The following ADAMTS17 variants were observed in gnomAD, a reference collection of about 807,000 sequenced individuals.
ADAMTS17 encodes A disintegrin and metalloproteinase with thrombospondin motifs 17.
A neutral mutation model predicts 141.5 loss-of-function variants in ADAMTS17; 113 were observed. The ratio of observed to expected loss-of-function variants is 0.80; its 90% confidence interval spans 0.69 to 0.93. ADAMTS17 has a LOEUF of 0.93. ADAMTS17 is among the 40% of genes least tolerant of loss of function. The probability of loss-of-function intolerance (pLI) is 0.00; values close to 1 mark genes in which losing one functional copy is unlikely to be tolerated. For synonymous variants in ADAMTS17, 768 were observed against 630.6 expected, an observed-to-expected ratio of 1.22 and a Z score of -3.27; for missense variants, 1,659 against 1,517.9, an observed-to-expected ratio of 1.09 and a Z score of -1.54.
At chr15:100,181,771 T>C (rs558700518) in intron 8 of ADAMTS17, among the ~76,000 whole-genome samples, 1 of 152,362 alleles carries the variant, frequency 6.6e-6, no homozygotes, top group Admixed American at 6.5e-5. Context: ...GCAAGCAGCA[T>C]AGCCTGGGGT....
At chr15:100,027,061 G>A (rs1257548719) in intron 18 of ADAMTS17, among the ~76,000 whole-genome samples, 1 of 152,182 alleles carries the variant, frequency 6.6e-6, no homozygotes, top group Non-Finnish European at 1.5e-5. Context: ...AAGGCATTAT[G>A]GGCAGGGAGA....
intron 3 of ADAMTS17, among the ~76,000 whole-genome samples, chr15:100,311,320 G>C (rs2045397409): frequency 6.6e-6 from 1 of 152,210 alleles, no homozygotes; most frequent in African/African-American, 2.4e-5. Context: ...CACCAAGCCA[G>C]CACCGAGGCC....
At chr15:100,217,702 A>G (rs1043731557) in intron 7 of ADAMTS17, among the ~76,000 whole-genome samples, 1 of 152,232 alleles carries the variant, frequency 6.6e-6, no homozygotes, top group Non-Finnish European at 1.5e-5. Flanking sequence ...GACTACATCA[A>G]AGTTGAAATT....
At chr15:100,210,772 C>T (rs1317354294) in intron 7 of ADAMTS17, among the ~76,000 whole-genome samples, 1 of 151,084 alleles carries the variant, frequency 6.6e-6, no homozygotes, top group Non-Finnish European at 1.5e-5. Flanking sequence ...TTGAGGCCAG[C>T]CCAGCCAGCA....
At chr15:100,088,274 A>G (rs2035234413) in intron 15 of ADAMTS17, among the ~76,000 whole-genome samples, 1 of 152,212 alleles carries the variant, frequency 6.6e-6, no homozygotes, top group South Asian at 2.1e-4. Flanking sequence ...TAGGAATCCA[A>G]TTTACAAGGG....
chr15:100,117,096 G>A (rs1200745573), intron 12 of ADAMTS17, 83 bp from the exon 13 acceptor site: 11 of 1,501,546 alleles, frequency 7.3e-6, no homozygotes, highest in Admixed American at 3.9e-5. Flanking sequence ...TTGCCAGGGG[G>A]AGGAGAGGAA....
chr15:100,068,401 G>A (rs1359709652), intron 15 of ADAMTS17, among the ~76,000 whole-genome samples: 1 of 152,242 alleles, frequency 6.6e-6, no homozygotes, highest in South Asian at 2.1e-4. Context: ...CTTGAAGAGA[G>A]TAGTGGTTCT....
chr15:100,069,155 G>T (rs1052519851), intron 15 of ADAMTS17, among the ~76,000 whole-genome samples: 2 of 152,176 alleles, frequency 1.3e-5, no homozygotes, highest in Admixed American at 1.3e-4. Context: ...AATGGAAGAT[G>T]AAATGAATAA....
intron 7 of ADAMTS17, among the ~76,000 whole-genome samples, chr15:100,232,203 G>C (rs537858492): frequency 6.6e-6 from 1 of 152,248 alleles, no homozygotes; most frequent in Non-Finnish European, 1.5e-5. Flanking sequence ...TCAGAATGGA[G>C]AACTTTCCTC....
intron 10 of ADAMTS17, among the ~76,000 whole-genome samples, chr15:100,149,075 T>C (rs972673645): frequency 2.6e-5 from 4 of 152,268 alleles, no homozygotes; most frequent in African/African-American, 4.8e-5. Context: ...CAGGGAAGAA[T>C]TGAGGGATAA....
chr15:100,205,806 G>A (rs1480950), intron 7 of ADAMTS17, among the ~76,000 whole-genome samples: 146,063 of 152,316 alleles, frequency 0.96, 70,322 homozygotes, highest in East Asian at 1. Context: ...TTTCAGCAAA[G>A]AGACAAAGGC....
At chr15:100,166,392 A>G (rs577594081) in intron 8 of ADAMTS17, among the ~76,000 whole-genome samples, 1 of 152,262 alleles carries the variant, frequency 6.6e-6, no homozygotes, top group African/African-American at 2.4e-5. Context: ...TTCTTGCCTT[A>G]TGAAATTGAA....
At chr15:100,066,693 T>A (rs1338236746) in intron 15 of ADAMTS17, among the ~76,000 whole-genome samples, 1 of 152,236 alleles carries the variant, frequency 6.6e-6, no homozygotes, top group African/African-American at 2.4e-5. Flanking sequence ...TCCCTTATGA[T>A]ACAGAGAAGG....
intron 18 of ADAMTS17, among the ~76,000 whole-genome samples, chr15:100,008,099 G>A (rs576418903): frequency 6.6e-6 from 1 of 152,142 alleles, no homozygotes; most frequent in Non-Finnish European, 1.5e-5. Flanking sequence ...GGGAAGCAGG[G>A]ATGGATGGGT....
intron 12 of ADAMTS17, 73 bp downstream of exon 12, chr15:100,131,934 G>T (rs180921809): frequency 2.7e-5 from 43 of 1,605,920 alleles, no homozygotes; most frequent in Non-Finnish European, 3.7e-5. Context: ...CCTGCTTTGT[G>T]TGAGGCAGCG....
chr15:100,126,376 G>C (rs75071126), intron 12 of ADAMTS17: 115 of 152,372 alleles, frequency 7.5e-4, no homozygotes, highest in African/African-American at 2.5e-3. Context: ...AAAGATCGAA[G>C]AGACTACCAA....
At chr15:100,298,042 G>A (rs754778894) in intron 3 of ADAMTS17, among the ~76,000 whole-genome samples, 8 of 152,024 alleles carry the variant, frequency 5.3e-5, no homozygotes, top group Non-Finnish European at 1.2e-4. Flanking sequence ...TGTGGGGGTG[G>A]GGGGTCTCAG....
rs376379961 is a variant in ADAMTS17 at position 100,331,085 on chromosome 15, C to G, written c.451-31G>C. 11 of 1,613,336 alleles carry G rather than the reference C, an allele frequency of 6.8e-6. No homozygotes were observed. The African/African-American group carries it at 1.2e-4, about 18-fold the overall frequency. ...CAGAAAGGAGAAGGAAACGCGATGT[C>G]GGTCATCCTCACTCACACACGCCCA... On this transcript the variant is annotated intron_variant, in intron 2 of 21. Coordinates refer to ENST00000268070, the MANE Select transcript of ADAMTS17 (RefSeq NM_139057.4).
chr15:100,330,995 C>T lies in ADAMTS17; in HGVS notation c.510G>A (p.Gln170=). The change falls in exon 3 of 22, where the codon CAG becomes CAA. Residue 170 remains glutamine (Q), a synonymous_variant. Transcript: ENST00000268070. ...GATGTTCTCGTCCACTGAATGGGCC[C>T]TGGGAGTTGTTGAGGGGCTGGATTA... is the stretch of plus-strand genomic sequence containing the variant. ...QVLIQPLNNS[Q]GPFSGREHLI... is the part of the protein sequence containing the mutation. 1 of 1,614,178 alleles carries T rather than the reference C, an allele frequency of 6.2e-7. No individual in the cohort carries two copies. Among genetic ancestry groups the T allele is most frequent in the Non-Finnish European group, 8.5e-7 (1 of 1,180,036 alleles).
Sources: allele counts gnomAD v4.1 joint callset (sites outside exome capture counted in the v4.1 genomes callset), GRCh38; gene constraint gnomAD v4.1.1; transcripts MANE v1.5; gene names NCBI Gene and HGNC (gene_info 2026-07-23, HGNC 2026-07-21).